The following PKHD1L1 variants were observed in gnomAD, a reference collection of about 807,000 sequenced individuals.
PKHD1L1 encodes PKHD1 like 1, also known as fibrocystin-L.
In PKHD1L1, 434 loss-of-function variants were observed where a neutral mutation model predicts 462.9. The observed-to-expected ratio is 0.94, with a 90% CI of 0.87 to 1.02. The LOEUF (loss-of-function observed/expected upper bound fraction) is 1.02, where lower values mean the gene tolerates loss of function less well. Ranked by LOEUF, PKHD1L1 falls within the 50% of genes least tolerant of loss-of-function variation. PKHD1L1 has a pLI of 0.00. For missense variants in PKHD1L1, 5,202 were observed against 5,096.1 expected (o/e 1.02, Z -0.63); for synonymous variants, 1,781 against 1,750.0 (o/e 1.02, Z -0.44).
intron 48 of PKHD1L1, among the ~76,000 whole-genome samples, 174 bp from the exon 49 acceptor site, chr8:109,464,042 G>A (rs926554036): frequency 1.3e-5 from 2 of 151,992 alleles, no homozygotes; most frequent in African/African-American, 2.4e-5. Context: ...GCTATACATT[G>A]TATAAAACAT....
intron 48 of PKHD1L1, among the ~76,000 whole-genome samples, chr8:109,463,230 G>A (rs1345011513): frequency 6.6e-6 from 1 of 152,006 alleles, no homozygotes; most frequent in East Asian, 1.9e-4. Context: ...TTATATTCAG[G>A]CTGTATAATC....
intron 21 of PKHD1L1, among the ~76,000 whole-genome samples, chr8:109,416,597 G>A (rs768184478): frequency 3.9e-5 from 6 of 152,100 alleles, no homozygotes; most frequent in Non-Finnish European, 8.8e-5. Context: ...TATAAAATGG[G>A]ACTGAAGCTA....
chr8:109,366,579 C>T (rs540288405), intron 2 of PKHD1L1, among the ~76,000 whole-genome samples: 10 of 151,742 alleles, frequency 6.6e-5, no homozygotes, highest in Non-Finnish European at 1.3e-4. Context: ...TAAATGTTTG[C>T]GAAGAGGGAA....
intron 2 of PKHD1L1, among the ~76,000 whole-genome samples, chr8:109,367,070 G>A (rs1311170373): frequency 6.6e-6 from 1 of 152,168 alleles, no homozygotes; most frequent in Non-Finnish European, 1.5e-5. Flanking sequence ...GCTTTTATAT[G>A]TCAATCATAG....
intron 2 of PKHD1L1, among the ~76,000 whole-genome samples, chr8:109,364,843 A>G (rs1811153644): frequency 1.3e-5 from 2 of 152,236 alleles, no homozygotes; most frequent in Middle Eastern, 3.4e-3. Context: ...TTCTTATTAT[A>G]CTGACTTGCT....
At chr8:109,439,165 G>A in intron 32 of PKHD1L1, 73 bp downstream of exon 32, 1 of 1,366,702 alleles carries the variant, frequency 7.3e-7, no homozygotes, top group South Asian at 1.3e-5. Flanking sequence ...AGGAAAAGAA[G>A]TGGGCATTAA....
At chr8:109,486,958 C>T in intron 59 of PKHD1L1, 137 bp downstream of exon 59, 1 of 809,876 alleles carries the variant, frequency 1.2e-6, no homozygotes, top group Non-Finnish European at 1.9e-6. Context: ...TTATGTAGCC[C>T]AGTTTTTACC....
intron 72 of PKHD1L1, among the ~76,000 whole-genome samples, chr8:109,516,273 A>T (rs945587520): frequency 1.3e-5 from 2 of 152,054 alleles, no homozygotes; most frequent in African/African-American, 4.8e-5. Context: ...CAAACAACAG[A>T]AATTTATTTT....
Position 109,413,558 on chromosome 8 carries a change from A to G in PKHD1L1, c.2360+13A>G. On this transcript the variant is annotated intron_variant, in intron 21 of 77. Transcript: ENST00000378402. ...CTTATGGAAACAAGTAAGTTACGCT[A>G]TGAATTTGAAAATTACATTATACCA... 6.7e-7 allele frequency: 1 copy of G among 1,497,500 alleles called. No individual in the cohort carries two copies. The highest frequency in any genetic ancestry group is 1.4e-5 in the South Asian group (1 of 71,260). The allele number at this position is 1,497,500 out of a possible 1,614,324, so 92.8% of individuals were successfully genotyped here. A position where few individuals can be genotyped will look rare whatever the true frequency, so the allele number is the denominator to read the frequency against.
chr8:109,433,037 G>T, intron 27 of PKHD1L1, 69 bp from the exon 28 acceptor site: 1 of 1,118,472 alleles, frequency 8.9e-7, no homozygotes. Flanking sequence ...TTTGAGAAAT[G>T]TCTGATTTCA....
At chr8:109,477,820 G>A (rs1401615961) in intron 53 of PKHD1L1, among the ~76,000 whole-genome samples, 2 of 152,124 alleles carry the variant, frequency 1.3e-5, no homozygotes, top group East Asian at 1.9e-4. Flanking sequence ...AATAACCATC[G>A]TGGTCAAATC....
At chr8:109,524,968 AGG>A (rs2131039590) in intron 76 of PKHD1L1, among the ~76,000 whole-genome samples, 1 of 152,210 alleles carries the variant, frequency 6.6e-6, no homozygotes, top group South Asian at 2.1e-4. Context: ...ATGTACAATA[AGG>A]AAAGCCAAGT....
intron 2 of PKHD1L1, among the ~76,000 whole-genome samples, chr8:109,367,299 A>G (rs531732869): frequency 6.6e-6 from 1 of 152,250 alleles, no homozygotes; most frequent in Non-Finnish European, 1.5e-5. Flanking sequence ...AATTGCATGC[A>G]GTACTTATTT....
Position 109,530,418 on chromosome 8 carries a change from C to A in PKHD1L1, c.*328C>A, listed in dbSNP as rs1821012423. Reference sequence around the variant, plus strand: ...ATGGAAAGAGCTTGTCTAGTTCCGACTTAAGCTCTTTACATCAGATTGGAA... The same window carrying A: ...ATGGAAAGAGCTTGTCTAGTTCCGAATTAAGCTCTTTACATCAGATTGGAA... On this transcript the variant is annotated 3_prime_UTR_variant, in exon 78 of 78. Transcript: ENST00000378402. The A allele has an allele frequency of 6.0e-6, 1 of 167,452 alleles. No individual in the cohort carries two copies. The highest frequency in any genetic ancestry group is 2.4e-5 in the African/African-American group (1 of 41,802). 10.4% of individuals were successfully genotyped at this position (167,452 alleles called of 1,614,324 possible).
At chr8:109,417,242 T>G (rs908579967) in intron 21 of PKHD1L1, among the ~76,000 whole-genome samples, 1 of 152,136 alleles carries the variant, frequency 6.6e-6, no homozygotes, top group Non-Finnish European at 1.5e-5. Flanking sequence ...CTTGAGGGGA[T>G]GGATACCCCA....
Position 109,427,073 on chromosome 8 carries a change from T to C in PKHD1L1, c.2917T>C (p.Ser973Pro). The C allele has an allele frequency of 6.2e-7, 1 of 1,613,916 alleles. No homozygotes were observed. ...LQSLEGMGRI[S>P]VTREGTCAGY... The stretch of plus-strand genomic sequence containing the variant: ...GAGTCTGGAGGGAATGGGAAGAATC[T>C]CAGTTACACGAGAGGGAACCTGTGC... The change falls in exon 25 of 78, where the codon TCA becomes CCA. Residue 973 changes from serine to proline, a missense_variant. Physicochemically the swap from Ser to Pro is moderately conservative, Grantham distance 74. Around this residue, in one of 3 missense-constraint regions of PKHD1L1, gnomAD observed 4,497 missense variants for 4,336.8 expected, o/e 1.04. Transcript: ENST00000378402.
At chr8:109,446,972 C>T (rs1383616866) in intron 38 of PKHD1L1, among the ~76,000 whole-genome samples, 1 of 152,186 alleles carries the variant, frequency 6.6e-6, no homozygotes, top group Non-Finnish European at 1.5e-5. Context: ...GCCTGTAATC[C>T]TAGCACTTTG....
chr8:109,400,368 T>C (rs750003477), intron 13 of PKHD1L1, 24 bp downstream of exon 13: 12 of 1,595,646 alleles, frequency 7.5e-6, no homozygotes, highest in Non-Finnish European at 1.0e-5. Flanking sequence ...AGAATACTAT[T>C]TGATACTGTA....
chr8:109,382,431 C>T, intron 3 of PKHD1L1, 32 bp from the exon 4 acceptor site: 2 of 1,528,184 alleles, frequency 1.3e-6, no homozygotes, highest in Non-Finnish European at 1.8e-6. Context: ...AGAGGAATTG[C>T]ATGTCTCATA....
Sources: allele counts gnomAD v4.1 joint callset (sites outside exome capture counted in the v4.1 genomes callset), GRCh38; gene constraint gnomAD v4.1.1; regional missense constraint gnomAD v4.1.1; transcripts MANE v1.5; gene names NCBI Gene and HGNC (gene_info 2026-07-23, HGNC 2026-07-21).